REXO5: variants seen among roughly 807,000 people sequenced by gnomAD.
The protein encoded by REXO5 is exonuclease NEF-sp.
REXO5 carries 48 observed loss-of-function variants against 88.5 expected under a neutral mutation model. That is an observed-to-expected ratio of 0.54 (90% CI 0.43 to 0.69). The LOEUF is 0.69. Among genes scored for constraint, REXO5 ranks in the 30% least tolerant of loss-of-function variants. REXO5 has a pLI of 0.00. For missense variants in REXO5, 749 were observed against 912.2 expected, an observed-to-expected ratio of 0.82 and a Z score of 2.30; for synonymous variants, 311 against 336.5, an observed-to-expected ratio of 0.92 and a Z score of 0.83.
intron 2 of REXO5, chr16:20,808,712 C>T (rs2080951382): frequency 6.7e-6 from 1 of 149,640 alleles, no homozygotes; most frequent in South Asian, 2.1e-4. Context: ...AAGTGATCCT[C>T]CCACCTCAGT....
rs1461959260 is a variant in REXO5 at position 20,810,880 on chromosome 16, C to A, written c.139-2310C>A. ...CCAGGTCATCTTCCTTTGTGAGCAC[C>A]CTCATCCTATGACAGGTGGCTGCCA... On this transcript the variant is annotated intron_variant, in intron 2 of 19. Coordinates refer to ENST00000261377, the MANE Select transcript of REXO5 (RefSeq NM_030941.3). Among the ~76,000 whole-genome samples, 4 of 152,094 alleles carry A rather than the reference C, an allele frequency of 2.6e-5. No individual in the cohort carries two copies. The East Asian group carries it at 7.7e-4, about 29-fold the overall frequency.
At chr16:20,820,550 T>A (rs1275547191) in intron 5 of REXO5, among the ~76,000 whole-genome samples, 99 of 35,878 alleles carry the variant, frequency 2.8e-3, no homozygotes, top group African/African-American at 4.3e-3. Context: ...ATATATTTTT[T>A]TTTTTTTTTT....
chr16:20,820,534 ATATATATATATTTTTTTTTTTTTTTTT>A (rs2081161501), intron 5 of REXO5, among the ~76,000 whole-genome samples: 1 of 13,280 alleles, frequency 7.5e-5, no homozygotes, highest in Admixed American at 1.6e-3. Context: ...ATATATATAT[ATATATATATATTTTTTTTTTTTTTTTT>A]TTTTTTTTTT....
At chr16:20,811,918 G>A (rs1446374869) in intron 2 of REXO5, among the ~76,000 whole-genome samples, 4 of 152,100 alleles carry the variant, frequency 2.6e-5, no homozygotes, top group African/African-American at 9.7e-5. Context: ...CTCTAGATGA[G>A]GAAACTGAGT....
At chr16:20,834,300 A>G (rs961441425) in intron 13 of REXO5, among the ~76,000 whole-genome samples, 1 of 152,146 alleles carries the variant, frequency 6.6e-6, no homozygotes, top group Non-Finnish European at 1.5e-5. Flanking sequence ...TCTTAATTCT[A>G]ATAAATATGT....
chr16:20,831,570 T>C (rs1389604925), intron 11 of REXO5, among the ~76,000 whole-genome samples: 1 of 152,156 alleles, frequency 6.6e-6, no homozygotes, highest in Non-Finnish European at 1.5e-5. Flanking sequence ...ATAATTTTTC[T>C]GTAAATCTAA....
At chr16:20,828,407 G>C in intron 10 of REXO5, 28 bp from the exon 11 acceptor site, 1 of 1,420,722 alleles carries the variant, frequency 7.0e-7, no homozygotes, top group Non-Finnish European at 1.0e-6. Context: ...AGTGCTTCCA[G>C]TATGTCAATT....
intron 15 of REXO5, 53 bp downstream of exon 15, chr16:20,840,521 G>A: frequency 1.4e-6 from 2 of 1,455,782 alleles, no homozygotes; most frequent in South Asian, 3.1e-5. Context: ...AGACATTCAG[G>A]TGACTGCTTG....
rs749519666 is a variant in REXO5, at chr16:20,846,347, C to T, written c.2243+8C>T. 6.3e-7 allele frequency: 1 copy of T among 1,599,306 alleles called. No homozygotes were observed. ...GCTGCCAGGAACCAAGAGGTAAGGA[C>T]TAGAAAGGGTATCCCTTCAGGACTC... On this transcript the variant is annotated splice_region_variant and intron_variant, in intron 19 of 19. Coordinates refer to ENST00000261377, the MANE Select transcript of REXO5 (RefSeq NM_030941.3).
intron 15 of REXO5, among the ~76,000 whole-genome samples, chr16:20,843,312 C>T (rs1355761930): frequency 2.0e-5 from 3 of 152,234 alleles, no homozygotes; most frequent in Admixed American, 6.5e-5. Flanking sequence ...ACTATTTCTC[C>T]ATTCTGTGGG....
At chr16:20,845,311 CT>C (rs964556112) in intron 18 of REXO5, 70 bp downstream of exon 18, 99,366 of 946,880 alleles carry the variant, frequency 0.1, no homozygotes, top group East Asian at 0.15. Flanking sequence ...ATCCTTTAAT[CT>C]TTTTTTTTTT....
In REXO5 at chr16:20,814,521, C is replaced by T. The variant is rs537175970; in HGVS notation, c.252-406C>T. Among the ~76,000 whole-genome samples the T allele has an allele frequency of 5.3e-5, 8 of 152,200 alleles. No individual in the cohort carries two copies. The South Asian group carries it at 8.3e-4, about 16-fold the overall frequency. Reference sequence around the variant, plus strand: ...CCTCCCAAAGTGCTGGGATTACAGGCGTGAGTCACCGTGCCCAGCGAAAAC... The same window carrying T: ...CCTCCCAAAGTGCTGGGATTACAGGTGTGAGTCACCGTGCCCAGCGAAAAC... On this transcript the variant is annotated intron_variant, in intron 3 of 19. Coordinates refer to ENST00000261377, the MANE Select transcript of REXO5 (RefSeq NM_030941.3).
At chr16:20,823,055 ATCTTG>A (rs752711543) in intron 6 of REXO5, among the ~76,000 whole-genome samples, 1 of 152,182 alleles carries the variant, frequency 6.6e-6, no homozygotes, top group Non-Finnish European at 1.5e-5. Flanking sequence ...ATTTACTATT[ATCTTG>A]TCTGAATATA....
At chr16:20,827,999 T>C (rs1482905781) in intron 10 of REXO5, among the ~76,000 whole-genome samples, 4 of 152,206 alleles carry the variant, frequency 2.6e-5, no homozygotes, top group Non-Finnish European at 4.4e-5. Flanking sequence ...TTAGATTTAG[T>C]TCTATCTATA....
chr16:20,842,416 C>T (rs997248626), intron 15 of REXO5, among the ~76,000 whole-genome samples: 18 of 151,562 alleles, frequency 1.2e-4, no homozygotes, highest in Non-Finnish European at 2.5e-4. Context: ...GTATATACCA[C>T]ATTTTGTTTA....
At chr16:20,815,270 G>A in intron 4 of REXO5, among the ~76,000 whole-genome samples, 1 of 152,140 alleles carries the variant, frequency 6.6e-6, no homozygotes, top group East Asian at 1.9e-4. Context: ...GTAGCTCCTA[G>A]GTTGATATTG....
intron 4 of REXO5, among the ~76,000 whole-genome samples, chr16:20,815,879 G>A (rs376718543): frequency 6.6e-6 from 1 of 152,306 alleles, no homozygotes; most frequent in South Asian, 2.1e-4. Flanking sequence ...TGTCTAAGTT[G>A]TATATTTCTG....
intron 6 of REXO5, 104 bp downstream of exon 6, chr16:20,822,006 G>C (rs527578475): frequency 8.4e-6 from 10 of 1,188,296 alleles, no homozygotes; most frequent in Admixed American, 2.9e-5. Flanking sequence ...TTTCTGAGTG[G>C]CTTATTCTTA....
In REXO5 at chr16:20,843,978, G is replaced by A; in HGVS notation, c.1671G>A (p.Leu557=). The change falls in exon 16 of 20, where the codon CTG becomes CTA. Residue 557 remains leucine, a synonymous_variant. Transcript: ENST00000261377. ...ATGAAGTCCTAGAAGCTGCCCAGCT[G>A]GCCATAGAATCCTTGGATGGTATTC... ...IQYEVLEAAQ[L]AIESLDGILV... 6.2e-7 allele frequency: 1 copy of A among 1,608,598 alleles called. No homozygotes were observed. The highest frequency in any genetic ancestry group is 8.5e-7 in the Non-Finnish European group (1 of 1,174,916).
Sources: gnomAD v4.1 joint callset for allele counts (sites outside exome capture counted in the v4.1 genomes callset) on GRCh38, gnomAD v4.1.1 for gene constraint, MANE v1.5 for transcripts, NCBI Gene and HGNC (gene_info 2026-07-23, HGNC 2026-07-21) for gene names.